Variants in RHBDD1 observed in about 807,000 individuals in gnomAD.
RHBDD1 encodes rhomboid-related protein 4.
RHBDD1 carries 38 observed loss-of-function variants against 36.3 expected under a neutral mutation model. The observed-to-expected ratio is 1.05, with a 90% CI of 0.81 to 1.37. The LOEUF (loss-of-function observed/expected upper bound fraction) is 1.37, where lower values mean the gene tolerates loss of function less well. RHBDD1 is among the 40% of genes most tolerant of loss of function. The probability of loss-of-function intolerance (pLI) is 0.00; values close to 1 mark genes in which losing one functional copy is unlikely to be tolerated. For missense variants in RHBDD1, 393 were observed against 377.6 expected (o/e 1.04, Z -0.34); for synonymous variants, 151 against 136.5 (o/e 1.11, Z -0.74).
intron 8 of RHBDD1, among the ~76,000 whole-genome samples, chr2:226,962,538 C>T (rs1015856490): frequency 6.6e-6 from 1 of 152,226 alleles, no homozygotes; most frequent in East Asian, 1.9e-4. Context: ...TGTATATGGG[C>T]AAAAGGCCAT....
chr2:226,883,207 G>C (rs1945919468), intron 5 of RHBDD1, among the ~76,000 whole-genome samples: 1 of 152,222 alleles, frequency 6.6e-6, no homozygotes, highest in Non-Finnish European at 1.5e-5. Context: ...TGACCCTCAT[G>C]TGTTTCAGAA....
chr2:226,811,161 C>T, the RHBDD1 span: 2 of 152,126 alleles, frequency 1.3e-5, no homozygotes, highest in Non-Finnish European at 2.9e-5. Flanking sequence ...TTTCTATTCC[C>T]TTTTTCCCCT....
chr2:226,921,125 G>T (rs1949275720), intron 8 of RHBDD1, among the ~76,000 whole-genome samples: 1 of 151,954 alleles, frequency 6.6e-6, no homozygotes, highest in South Asian at 2.1e-4. Context: ...ATTTCTTCTA[G>T]GTTTTCCAAT....
At chr2:226,851,937 G>C (rs1270008388) in intron 3 of RHBDD1, among the ~76,000 whole-genome samples, 1 of 152,074 alleles carries the variant, frequency 6.6e-6, no homozygotes, top group African/African-American at 2.4e-5. Flanking sequence ...GCTTTTTGTT[G>C]GCTTGTTTTA....
the RHBDD1 span, among the ~76,000 whole-genome samples, chr2:226,811,544 C>G: frequency 2.6e-5 from 4 of 152,202 alleles, no homozygotes; most frequent in Non-Finnish European, 2.9e-5. Flanking sequence ...CTCCAGTGAT[C>G]CACCCCCCTC....
Position 226,864,966 on chromosome 2 carries a change from A to G in RHBDD1, c.273A>G (p.Lys91=). Residue 91 remains lysine, a synonymous_variant, in exon 4 of 9, where the codon AAA becomes AAG. Coordinates refer to ENST00000392062, the MANE Select transcript of RHBDD1 (RefSeq NM_001167608.3). ...TCAATATGGCATCCATGCTCTGGAA[A>G]GGAATAAATCTAGAAAGAAGACTGG... ...LYFNMASMLW[K]GINLERRLGS... 1 of 1,614,252 alleles carries G rather than the reference A, an allele frequency of 6.2e-7. No individual in the cohort carries two copies. Among genetic ancestry groups the G allele is most frequent in the Non-Finnish European group, 8.5e-7 (1 of 1,180,044 alleles).
intron 8 of RHBDD1, among the ~76,000 whole-genome samples, chr2:226,974,106 G>T (rs1157772219): frequency 6.6e-6 from 1 of 152,072 alleles, no homozygotes; most frequent in Non-Finnish European, 1.5e-5. Flanking sequence ...CACAGCACTC[G>T]GTGTAACACT....
intron 5 of RHBDD1, among the ~76,000 whole-genome samples, chr2:226,905,694 T>G (rs745521339): frequency 1.3e-5 from 2 of 152,176 alleles, no homozygotes; most frequent in Non-Finnish European, 2.9e-5. Flanking sequence ...TTTCATTTAT[T>G]TTATTCATTC....
At chr2:226,852,236 T>C (rs1942881295) in intron 3 of RHBDD1, among the ~76,000 whole-genome samples, 1 of 152,210 alleles carries the variant, frequency 6.6e-6, no homozygotes, top group Non-Finnish European at 1.5e-5. Flanking sequence ...GATAGTATCA[T>C]TTGAAATCAC....
intron 7 of RHBDD1, among the ~76,000 whole-genome samples, chr2:226,910,838 T>C (rs1211334075): frequency 6.6e-6 from 1 of 152,306 alleles, no homozygotes; most frequent in East Asian, 1.9e-4. Flanking sequence ...GGAGGAGATC[T>C]GTTCTCATTA....
At chr2:226,993,047 T>C (rs59135978) in intron 8 of RHBDD1, among the ~76,000 whole-genome samples, 65,698 of 152,026 alleles carry the variant, frequency 0.43, 14,312 homozygotes, top group South Asian at 0.58. Context: ...TTTGGTTGGC[T>C]CAGCCCTGGT....
At chr2:226,953,725 C>T (rs1050528153) in intron 8 of RHBDD1, among the ~76,000 whole-genome samples, 1 of 152,300 alleles carries the variant, frequency 6.6e-6, no homozygotes, top group Non-Finnish European at 1.5e-5. Context: ...TACTTACATT[C>T]GCTTTGAGAA....
At chr2:226,801,315 T>G in the RHBDD1 span, among the ~76,000 whole-genome samples, 1 of 152,068 alleles carries the variant, frequency 6.6e-6, no homozygotes, top group Non-Finnish European at 1.5e-5. Context: ...AGCCTTGCAC[T>G]GCAGAGGGAA....
intron 8 of RHBDD1, among the ~76,000 whole-genome samples, chr2:226,929,330 GC>G (rs1160994305): frequency 3.3e-5 from 5 of 152,056 alleles, no homozygotes; most frequent in Non-Finnish European, 7.4e-5. Context: ...TCCCAGGGTA[GC>G]AGGAATGGTT....
chr2:226,998,970 T>C lies in RHBDD1; in HGVS notation c.*3448T>C, dbSNP rs1426678494. The stretch of plus-strand genomic sequence containing the variant: ...CAGCTCTTTCCTCTCTCTTGGCCCA[T>C]TCAGATCCTCCTCATCCAGCCCCCA... On this transcript the variant is annotated 3_prime_UTR_variant, in exon 9 of 9. Coordinates refer to ENST00000392062, the MANE Select transcript of RHBDD1 (RefSeq NM_001167608.3). 6.6e-6 allele frequency: 1 copy of C among 152,280 alleles called. No individual in the cohort carries two copies. The highest frequency in any genetic ancestry group is 2.4e-5 in the African/African-American group (1 of 41,436). 9.4% of individuals were successfully genotyped at this position (152,280 alleles called of 1,614,324 possible).
At chr2:226,939,475 C>T (rs1272469289) in intron 8 of RHBDD1, among the ~76,000 whole-genome samples, 2 of 152,160 alleles carry the variant, frequency 1.3e-5, no homozygotes, top group Non-Finnish European at 2.9e-5. Flanking sequence ...TTCCTATACA[C>T]CAACAACAGA....
At chr2:226,813,652 C>A in the RHBDD1 span, among the ~76,000 whole-genome samples, 1 of 152,194 alleles carries the variant, frequency 6.6e-6, no homozygotes, top group Non-Finnish European at 1.5e-5. Context: ...TTTCATGCTT[C>A]AAGTATCAAT....
intron 6 of RHBDD1, among the ~76,000 whole-genome samples, chr2:226,907,927 G>A (rs1948185680): frequency 6.6e-6 from 1 of 152,128 alleles, no homozygotes; most frequent in Non-Finnish European, 1.5e-5. Flanking sequence ...ATTCTCGGGA[G>A]TTTAATGTCT....
In RHBDD1 at chr2:226,995,454, C is replaced by G; in HGVS notation, c.880C>G (p.Pro294Ala). 5.6e-6 allele frequency: 9 copies of G among 1,612,754 alleles called. No individual in the cohort carries two copies. Among genetic ancestry groups the G allele is most frequent in the Non-Finnish European group, 7.6e-6 (9 of 1,179,150 alleles). The change falls in exon 9 of 9, where the codon CCC becomes GCC. Residue 294 changes from proline to alanine, a missense_variant. Pro to Ala is a conservative substitution (Grantham distance 27). Transcript: ENST00000392062. ...DRGNTRNSPP[P>A]YGFHLSPEEM... ...AGGAAATACCAGAAATAGCCCACCA[C>G]CCTACGGGTTTCATCTCTCACCAGA...
Sources: allele counts gnomAD v4.1 joint callset (sites outside exome capture counted in the v4.1 genomes callset), GRCh38; gene constraint gnomAD v4.1.1; transcripts MANE v1.5; gene names NCBI Gene and HGNC (gene_info 2026-07-23, HGNC 2026-07-21).